Variants in ERBB4 observed in about 807,000 individuals in gnomAD.
ERBB4 encodes the protein receptor tyrosine-protein kinase erbB-4.
A neutral mutation model predicts 158.0 loss-of-function variants in ERBB4; 42 were observed. The ratio of observed to expected loss-of-function variants is 0.27; its 90% CI spans 0.21 to 0.34. ERBB4 has a LOEUF of 0.34. Ranked by LOEUF, ERBB4 falls within the 10% of genes least tolerant of loss-of-function variation. The pLI, the probability that ERBB4 is intolerant of heterozygous loss-of-function variation, is 1.00. For missense variants in ERBB4, 1,333 were observed against 1,624.1 expected (o/e 0.82, Z 3.08); for synonymous variants, 583 against 558.7 (o/e 1.04, Z -0.61).
At chr2:212,050,363 C>T (rs969006859) in intron 2 of ERBB4, among the ~76,000 whole-genome samples, 5 of 152,076 alleles carry the variant, frequency 3.3e-5, no homozygotes, top group African/African-American at 9.7e-5. Flanking sequence ...ATCATTTTAG[C>T]TTTCTTTGTG....
At position 212,053,939 on chromosome 2, in the gene ERBB4, T is replaced by C. The variant is rs545685066; in HGVS notation, c.234+70813A>G. 2.0e-5 allele frequency among the ~76,000 whole-genome samples: 3 copies of C among 152,296 alleles called. No individual in the cohort carries two copies. The East Asian group carries it at 5.8e-4, about 29-fold the overall frequency. On this transcript the variant is annotated intron_variant, in intron 2 of 27. Coordinates refer to ENST00000342788, the MANE Select transcript of ERBB4 (RefSeq NM_005235.3). ...AAAAATTACTTATAAAATTGTTTAT[T>C]AAAAGTCACTCTTCCCCATTAGTAT...
chr2:211,968,812 A>G (rs543986429), intron 2 of ERBB4, among the ~76,000 whole-genome samples: 2 of 152,022 alleles, frequency 1.3e-5, no homozygotes, highest in East Asian at 3.9e-4. Context: ...ACCAGTGCAT[A>G]AGTAGACAAT....
chr2:212,313,088 G>A (rs2087118974), intron 1 of ERBB4, among the ~76,000 whole-genome samples: 1 of 150,698 alleles, frequency 6.6e-6, no homozygotes, highest in South Asian at 2.1e-4. Context: ...AGAAATTAAT[G>A]AAACCGTATT....
chr2:211,819,718 G>A (rs894997383), intron 3 of ERBB4, among the ~76,000 whole-genome samples: 1 of 151,806 alleles, frequency 6.6e-6, no homozygotes, highest in African/African-American at 2.4e-5. Context: ...TTAATTGTTA[G>A]GATAGTGAAA....
At chr2:211,606,759 A>C (rs528493440) in intron 19 of ERBB4, among the ~76,000 whole-genome samples, 2 of 152,334 alleles carry the variant, frequency 1.3e-5, no homozygotes, top group South Asian at 4.1e-4. Flanking sequence ...CTGCAAAAGA[A>C]TAAAATGTGT....
At chr2:211,658,980 T>C (rs2071321831) in intron 15 of ERBB4, among the ~76,000 whole-genome samples, 1 of 152,134 alleles carries the variant, frequency 6.6e-6, no homozygotes, top group Non-Finnish European at 1.5e-5. Flanking sequence ...TTTATAGAAG[T>C]GCCTTATTTC....
At chr2:211,500,995 C>T (rs1158475488) in intron 20 of ERBB4, among the ~76,000 whole-genome samples, 1 of 151,908 alleles carries the variant, frequency 6.6e-6, no homozygotes, top group Non-Finnish European at 1.5e-5. Flanking sequence ...TAAGATTTGA[C>T]ATACATATGT....
intron 20 of ERBB4, among the ~76,000 whole-genome samples, chr2:211,549,632 T>C (rs945241239): frequency 1.3e-5 from 2 of 152,128 alleles, no homozygotes; most frequent in Admixed American, 6.5e-5. Context: ...TCTATACCTC[T>C]GACACGTAAG....
At chr2:212,397,021 T>G (rs2091048369) in intron 1 of ERBB4, among the ~76,000 whole-genome samples, 1 of 152,240 alleles carries the variant, frequency 6.6e-6, no homozygotes, top group Non-Finnish European at 1.5e-5. Context: ...CAATTGGTAT[T>G]GTATATTTAT....
intron 1 of ERBB4, among the ~76,000 whole-genome samples, chr2:212,336,817 C>T (rs2088464260): frequency 8.5e-6 from 1 of 117,244 alleles, no homozygotes; most frequent in African/African-American, 3.3e-5. Flanking sequence ...TCAGGTCAGA[C>T]ACTTCTACTT....
chr2:212,134,283 T>G (rs2125590843), intron 1 of ERBB4, among the ~76,000 whole-genome samples: 1 of 152,250 alleles, frequency 6.6e-6, no homozygotes, highest in African/African-American at 2.4e-5. Flanking sequence ...ACAATGATCA[T>G]ACATTACTCT....
chr2:212,113,898 T>C (rs1445412765), intron 2 of ERBB4, among the ~76,000 whole-genome samples: 1 of 152,204 alleles, frequency 6.6e-6, no homozygotes, highest in Non-Finnish European at 1.5e-5. Context: ...AAAGAGGAAC[T>C]TCAGTTGGAA....
chr2:211,618,386 A>T (rs918278619), intron 19 of ERBB4, among the ~76,000 whole-genome samples: 2 of 152,034 alleles, frequency 1.3e-5, no homozygotes, highest in African/African-American at 4.8e-5. Flanking sequence ...ACCCATTTGC[A>T]TTAGTTTTTG....
intron 25 of ERBB4, among the ~76,000 whole-genome samples, chr2:211,398,548 A>C (rs1321087724): frequency 2.0e-5 from 3 of 152,116 alleles, no homozygotes; most frequent in African/African-American, 7.2e-5. Flanking sequence ...CCCTGCTTTA[A>C]AAATTGCAAG....
intron 2 of ERBB4, among the ~76,000 whole-genome samples, chr2:211,964,517 A>C (rs897213978): frequency 4.6e-5 from 7 of 152,176 alleles, no homozygotes; most frequent in Non-Finnish European, 1.0e-4. Flanking sequence ...GTGACATTTC[A>C]TTTAACACTC....
intron 19 of ERBB4, among the ~76,000 whole-genome samples, chr2:211,613,882 T>C (rs903593670): frequency 7.9e-5 from 12 of 151,974 alleles, no homozygotes; most frequent in African/African-American, 2.9e-4. Flanking sequence ...AAACTAAAAA[T>C]TGAGCTACCA....
intron 20 of ERBB4, among the ~76,000 whole-genome samples, chr2:211,542,094 C>T (rs1269749852): frequency 6.6e-6 from 1 of 151,984 alleles, no homozygotes; most frequent in Non-Finnish European, 1.5e-5. Flanking sequence ...CACCTAAGAA[C>T]TCCATTCTAT....
chr2:212,066,148 TACTCTGGGATGTGGAGCA>T (rs2077940983), intron 2 of ERBB4, among the ~76,000 whole-genome samples: 4 of 151,932 alleles, frequency 2.6e-5, no homozygotes, highest in Non-Finnish European at 5.9e-5. Context: ...GAAAGACTCT[TACTCTGGGATGTGGAGCA>T]ACAGGAGTAA....
intron 1 of ERBB4, among the ~76,000 whole-genome samples, chr2:212,287,153 G>C (rs766095585): frequency 1.8e-4 from 27 of 152,020 alleles, no homozygotes; most frequent in Non-Finnish European, 3.5e-4. Flanking sequence ...CCTCTTTGCA[G>C]ACAGCCCCTT....
Sources: allele counts gnomAD v4.1 joint callset (sites outside exome capture counted in the v4.1 genomes callset), GRCh38; gene constraint gnomAD v4.1.1; transcripts MANE v1.5; gene names NCBI Gene and HGNC (gene_info 2026-07-23, HGNC 2026-07-21).